The following RGS7 variants were observed in gnomAD, a reference collection of about 807,000 sequenced individuals.
RGS7 encodes the protein regulator of G protein signaling 7.
A neutral mutation model predicts 81.1 loss-of-function variants in RGS7; 27 were observed. That is an observed-to-expected ratio of 0.33 (90% CI 0.25 to 0.46). The LOEUF (loss-of-function observed/expected upper bound fraction) is 0.46. RGS7 is among the 20% of genes least tolerant of loss of function. The probability of loss-of-function intolerance (pLI) is 1.00; values close to 1 mark genes in which losing one functional copy is unlikely to be tolerated. For synonymous variants in RGS7, 208 were observed against 207.7 expected (o/e 1.00, Z -0.01); for missense variants, 396 against 607.4 (o/e 0.65, Z 3.66).
In RGS7 at chr1:241,080,106, C is replaced by T. The variant is rs1031613844; in HGVS notation, c.175+18560G>A. Among the ~76,000 whole-genome samples the T allele has an allele frequency of 1.4e-4, 22 of 151,868 alleles. No individual in the cohort carries two copies. In the East Asian group the frequency reaches 4.1e-3, roughly 28 times the overall value. The stretch of plus-strand genomic sequence containing the variant: ...CCAGATGGCATCCAATGAGTATTGA[C>T]ATCATCATCATAAAAAAAGGCTAAG... On this transcript the variant is annotated intron_variant, in intron 3 of 18. Coordinates refer to ENST00000440928, the MANE Select transcript of RGS7 (RefSeq NM_001364886.1).
In RGS7 at chr1:240,819,634, A is replaced by G. The variant is rs1691426245; in HGVS notation, c.685-3219T>C. On this transcript the variant is annotated intron_variant, in intron 10 of 18. Coordinates refer to ENST00000440928, the MANE Select transcript of RGS7 (RefSeq NM_001364886.1). ...GTGCCTGTGGTCCCAGCTACTTGGG[A>G]GGCTGAGGCAGGAGAATCACGTGGA... 2.0e-5 allele frequency among the ~76,000 whole-genome samples: 3 copies of G among 152,180 alleles called. No homozygotes were observed. The South Asian group carries it at 6.2e-4, about 32-fold the overall frequency.
At chr1:241,124,619 C>A (rs1316191884) in intron 2 of RGS7, among the ~76,000 whole-genome samples, 2 of 152,164 alleles carry the variant, frequency 1.3e-5, no homozygotes, top group Non-Finnish European at 2.9e-5. Context: ...TAGATGGAAG[C>A]CAGCAGTAAT....
Position 241,204,134 on chromosome 1 carries a change from G to C in RGS7, c.79-105372C>G, listed in dbSNP as rs897004435. ...AGAAAGAATGAGCCTGAAATGATGG[G>C]AGGAACACAGGTGTGTATAGAGAAG... On this transcript the variant is annotated intron_variant, in intron 2 of 18. Coordinates refer to ENST00000440928, the MANE Select transcript of RGS7 (RefSeq NM_001364886.1). 5.3e-5 allele frequency among the ~76,000 whole-genome samples: 8 copies of C among 152,224 alleles called. 1 individual carries two copies. The highest frequency in any genetic ancestry group is 1.0e-4 in the Non-Finnish European group (7 of 68,034).
intron 2 of RGS7, among the ~76,000 whole-genome samples, chr1:241,328,616 A>T (rs2081763079): frequency 6.6e-6 from 1 of 152,058 alleles, no homozygotes; most frequent in African/African-American, 2.4e-5. Context: ...TCACCTTCCC[A>T]TGACCAGCTG....
At position 241,235,909 on chromosome 1, in the gene RGS7, T is replaced by TGAGAGAGAAAGAGAGAGA. The variant is rs11274117; in HGVS notation, c.78+119789_78+119790insTCTCTCTCTTTCTCTCTC. 7.2e-3 allele frequency among the ~76,000 whole-genome samples: 991 copies of TGAGAGAGAAAGAGAGAGA among 137,984 alleles called. 48 individuals are homozygous for TGAGAGAGAAAGAGAGAGA. Among genetic ancestry groups the TGAGAGAGAAAGAGAGAGA allele is most frequent in the South Asian group, 0.012 (52 of 4,182 alleles). The allele number at this position is 137,984 out of a possible 152,430, so 90.5% of individuals were successfully genotyped here. A position where few individuals can be genotyped will look rare whatever the true frequency, so the allele number is the denominator to read the frequency against. On this transcript the variant is annotated intron_variant, in intron 2 of 18. Transcript: ENST00000440928. ...GGGTGAACCCCTAGGAGATGCACTT[T>TGAGAGAGAAAGAGAGAGA]GAGAGAGAGAGAGAGAGAGAGAGAA...
At chr1:241,316,185 T>C (rs1293907472) in intron 2 of RGS7, among the ~76,000 whole-genome samples, 8 of 152,136 alleles carry the variant, frequency 5.3e-5, no homozygotes, top group Admixed American at 5.2e-4. Flanking sequence ...GAGATAGTGT[T>C]TCCATGCCCT....
chr1:240,846,217 A>G (rs1659057016), intron 9 of RGS7, among the ~76,000 whole-genome samples: 1 of 152,178 alleles, frequency 6.6e-6, no homozygotes, highest in Non-Finnish European at 1.5e-5. Context: ...TTCCCAGTAT[A>G]AAAATCATTC....
chr1:240,885,591 T>C (rs1027113887), intron 6 of RGS7, among the ~76,000 whole-genome samples: 6 of 152,190 alleles, frequency 3.9e-5, no homozygotes, highest in Non-Finnish European at 8.8e-5. Context: ...ATCATGTCTT[T>C]TGAGGGAACA....
At chr1:240,927,776 T>C (rs1674699789) in intron 6 of RGS7, among the ~76,000 whole-genome samples, 1 of 152,178 alleles carries the variant, frequency 6.6e-6, no homozygotes, top group East Asian at 1.9e-4. Context: ...CAACCAATAA[T>C]ATGTTTCTTC....
At chr1:240,945,300 C>T (rs544242216) in intron 4 of RGS7, among the ~76,000 whole-genome samples, 70 of 152,264 alleles carry the variant, frequency 4.6e-4, no homozygotes, top group Non-Finnish European at 5.6e-4. Flanking sequence ...TAACTCAATC[C>T]TGATGATTCT....
At chr1:241,350,741 CAAAA>C (rs71172699) in intron 2 of RGS7, among the ~76,000 whole-genome samples, 4 of 88,526 alleles carry the variant, frequency 4.5e-5, no homozygotes, top group African/African-American at 1.7e-4. Flanking sequence ...GACCCCATCT[CAAAA>C]AAAAAAAAAA....
At chr1:241,022,204 C>T (rs534227612) in intron 3 of RGS7, among the ~76,000 whole-genome samples, 1 of 152,178 alleles carries the variant, frequency 6.6e-6, no homozygotes, top group Non-Finnish European at 1.5e-5. Flanking sequence ...AAAATTATAA[C>T]TGATAAAATT....
At chr1:241,179,016 A>G (rs1348284517) in intron 2 of RGS7, among the ~76,000 whole-genome samples, 1 of 152,188 alleles carries the variant, frequency 6.6e-6, no homozygotes, top group Non-Finnish European at 1.5e-5. Flanking sequence ...CACTGGCTGT[A>G]CTTCTACTGA....
intron 2 of RGS7, among the ~76,000 whole-genome samples, chr1:241,249,391 A>C (rs2076721519): frequency 6.6e-6 from 1 of 151,898 alleles, no homozygotes. Flanking sequence ...GTCATTGCTC[A>C]TATATGTCAT....
intron 3 of RGS7, among the ~76,000 whole-genome samples, chr1:241,000,706 G>A (rs2148627235): frequency 6.6e-6 from 1 of 151,284 alleles, no homozygotes; most frequent in Admixed American, 6.6e-5. Context: ...GAGTTTAATG[G>A]CGCAATCTCA....
chr1:241,133,049 A>G (rs1340803262), intron 2 of RGS7, among the ~76,000 whole-genome samples: 2 of 152,238 alleles, frequency 1.3e-5, no homozygotes, highest in Non-Finnish European at 2.9e-5. Flanking sequence ...GGCCTGAGCC[A>G]CTGCGCCCGG....
intron 2 of RGS7, among the ~76,000 whole-genome samples, chr1:241,102,721 C>G (rs1476882188): frequency 7.2e-5 from 11 of 152,066 alleles, no homozygotes. Flanking sequence ...AAATACTAAA[C>G]CTCCTAAGAA....
chr1:241,215,369 C>T (rs1251551180), intron 2 of RGS7, among the ~76,000 whole-genome samples: 3 of 152,288 alleles, frequency 2.0e-5, no homozygotes, highest in East Asian at 1.9e-4. Context: ...ATACTTCAAA[C>T]GCTGGCTCTT....
chr1:241,326,796 A>C (rs1309097548), intron 2 of RGS7, among the ~76,000 whole-genome samples: 1 of 150,326 alleles, frequency 6.7e-6, no homozygotes, highest in Non-Finnish European at 1.5e-5. Flanking sequence ...TGTAGTCCCA[A>C]CTACTCAGGA....
Sources: gnomAD v4.1 joint callset for allele counts (sites outside exome capture counted in the v4.1 genomes callset) on GRCh38, gnomAD v4.1.1 for gene constraint, MANE v1.5 for transcripts, NCBI Gene and HGNC (gene_info 2026-07-23, HGNC 2026-07-21) for gene names.